DEPTOR: variants seen among roughly 807,000 people sequenced by gnomAD.
DEPTOR encodes the protein DEP domain containing MTOR interacting protein, also known as DEP domain-containing mTOR-interacting protein.
In DEPTOR, 41 loss-of-function variants were observed where a neutral mutation model predicts 41.6. That is an observed-to-expected ratio of 0.98 (90% CI 0.77 to 1.28). The LOEUF is 1.28. Ranked by LOEUF, DEPTOR falls within the 50% of genes most tolerant of loss-of-function variation. The pLI is 0.00. For synonymous variants in DEPTOR, 195 were observed against 192.3 expected, an observed-to-expected ratio of 1.01 and a Z score of -0.12; for missense variants, 514 against 527.9, an observed-to-expected ratio of 0.97 and a Z score of 0.26.
chr8:119,976,132 G>T (rs1306096377), intron 4 of DEPTOR, among the ~76,000 whole-genome samples: 1 of 151,868 alleles, frequency 6.6e-6, no homozygotes, highest in South Asian at 2.1e-4. Flanking sequence ...AAAATGCTGG[G>T]ATTGCAGGCA....
intron 7 of DEPTOR, 116 bp from the exon 8 acceptor site, chr8:120,008,913 G>A (rs947134442): frequency 7.8e-5 from 70 of 893,166 alleles, no homozygotes; most frequent in Non-Finnish European, 1.1e-4. Flanking sequence ...AGAGAGAAAC[G>A]GAGGAAAATA....
chr8:120,022,068 G>A (rs1267908915), intron 8 of DEPTOR, among the ~76,000 whole-genome samples: 24 of 149,310 alleles, frequency 1.6e-4, no homozygotes, highest in African/African-American at 5.7e-4. Flanking sequence ...TGAAGTGGGA[G>A]GATCACTTGG....
chr8:120,040,697 A>C (rs941958487), intron 8 of DEPTOR, among the ~76,000 whole-genome samples: 2 of 152,210 alleles, frequency 1.3e-5, no homozygotes, highest in Non-Finnish European at 2.9e-5. Flanking sequence ...CTAATATGCA[A>C]CTGGACTCCA....
At chr8:120,030,511 T>G (rs941150435) in intron 8 of DEPTOR, among the ~76,000 whole-genome samples, 5 of 129,204 alleles carry the variant, frequency 3.9e-5, no homozygotes, top group South Asian at 3.1e-4. Context: ...TTTTTTTTTT[T>G]TTTTTTTTTT....
intron 1 of DEPTOR, among the ~76,000 whole-genome samples, chr8:119,876,312 C>T (rs149304688): frequency 9.9e-5 from 15 of 152,280 alleles, no homozygotes; most frequent in Admixed American, 9.8e-4. Context: ...TCAAGGAAGA[C>T]TTTAAGCTAG....
chr8:119,965,381 G>T lies in DEPTOR; in HGVS notation c.575G>T (p.Arg192Leu). 5.0e-6 allele frequency: 8 copies of T among 1,613,988 alleles called. No homozygotes were observed. Among genetic ancestry groups the T allele is most frequent in the Non-Finnish European group, 5.9e-6 (7 of 1,179,994 alleles). ...TRKEAEQLCH[R>L]LMEHGIIQHV... ...AAAGAGGCAGAGCAGCTTTGCCACCGGCTTATGGAGCATGGCATCATCCAG... is the reference window on the plus strand; with the variant it reads ...AAAGAGGCAGAGCAGCTTTGCCACCTGCTTATGGAGCATGGCATCATCCAG... Residue 192 changes from arginine (R) to leucine (L), a missense_variant, in exon 4 of 9, where the codon CGG becomes CTG. By Grantham distance (102) the Arg-to-Leu change is moderately radical. Coordinates refer to ENST00000286234, the MANE Select transcript of DEPTOR (RefSeq NM_022783.4).
At chr8:119,999,590 C>CTCCA (rs1472480945) in intron 4 of DEPTOR, among the ~76,000 whole-genome samples, 1 of 152,206 alleles carries the variant, frequency 6.6e-6, no homozygotes, top group African/African-American at 2.4e-5. Context: ...TGCCACTGCA[C>CTCCA]TCCAGCCTGG....
chr8:119,965,809 T>A (rs1828551513), intron 4 of DEPTOR, among the ~76,000 whole-genome samples: 2 of 152,200 alleles, frequency 1.3e-5, no homozygotes, highest in African/African-American at 4.8e-5. Flanking sequence ...GAAGGTTGGT[T>A]GTTAGAGAAT....
At chr8:120,033,049 C>T (rs1178791484) in intron 8 of DEPTOR, among the ~76,000 whole-genome samples, 1 of 146,534 alleles carries the variant, frequency 6.8e-6, no homozygotes, top group African/African-American at 2.5e-5. Context: ...TGGTGAGTAT[C>T]ATACCTAATA....
intron 1 of DEPTOR, among the ~76,000 whole-genome samples, chr8:119,875,471 T>C (rs1827219925): frequency 6.6e-6 from 1 of 152,164 alleles, no homozygotes; most frequent in South Asian, 2.1e-4. Context: ...CAGGAGGGTG[T>C]CTTGCTGAGA....
chr8:119,878,060 A>G (rs1437502201), intron 1 of DEPTOR, among the ~76,000 whole-genome samples: 1 of 152,132 alleles, frequency 6.6e-6, no homozygotes, highest in Non-Finnish European at 1.5e-5. Flanking sequence ...CGTCCCAAGT[A>G]GCTGGGATTA....
At chr8:119,913,441 A>C (rs1409605056) in intron 1 of DEPTOR, among the ~76,000 whole-genome samples, 4 of 152,204 alleles carry the variant, frequency 2.6e-5, no homozygotes, top group African/African-American at 9.7e-5. Context: ...TTGGCTGTAC[A>C]TTGTTGAACT....
At chr8:119,974,921 G>A (rs1049482175) in intron 4 of DEPTOR, among the ~76,000 whole-genome samples, 1 of 152,078 alleles carries the variant, frequency 6.6e-6, no homozygotes, top group African/African-American at 2.4e-5. Context: ...GCAGACTTAG[G>A]TCAACACCTT....
intron 8 of DEPTOR, among the ~76,000 whole-genome samples, chr8:120,012,711 A>G (rs774732412): frequency 2.0e-5 from 3 of 151,940 alleles, no homozygotes; most frequent in Non-Finnish European, 4.4e-5. Context: ...TAATTTTTGT[A>G]TTTTTAGTAG....
chr8:119,994,134 T>C (rs1242216223), intron 4 of DEPTOR, among the ~76,000 whole-genome samples: 2 of 139,410 alleles, frequency 1.4e-5, no homozygotes, highest in Non-Finnish European at 3.1e-5. Flanking sequence ...AAAAACTCCA[T>C]CTCGAAAAAA....
Position 120,002,618 on chromosome 8 carries a change from A to C in DEPTOR, c.791-359A>C, listed in dbSNP as rs200598054. Among the ~76,000 whole-genome samples the C allele has an allele frequency of 2.7e-5, 4 of 150,412 alleles. No homozygotes were observed. In the East Asian group the frequency reaches 7.9e-4, roughly 30 times the overall value. On this transcript the variant is annotated intron_variant, in intron 5 of 8. Transcript: ENST00000286234. ...GTGACAGAGAACAAATCTCTACTAA[A>C]AGTACAAAATTTAGCCGGGCGTGGT... is the stretch of plus-strand genomic sequence containing the variant.
At chr8:119,888,266 C>G (rs1209554732) in intron 1 of DEPTOR, among the ~76,000 whole-genome samples, 2 of 152,160 alleles carry the variant, frequency 1.3e-5, no homozygotes, top group East Asian at 3.8e-4. Context: ...TGATGCCACA[C>G]TCGTAGGTAA....
At chr8:120,038,875 A>G (rs1302545391) in intron 8 of DEPTOR, among the ~76,000 whole-genome samples, 1 of 152,204 alleles carries the variant, frequency 6.6e-6, no homozygotes, top group Non-Finnish European at 1.5e-5. Flanking sequence ...AAATAAAAAT[A>G]ATAGGACCTG....
At chr8:119,963,302 A>C (rs1022117730) in intron 3 of DEPTOR, among the ~76,000 whole-genome samples, 1 of 151,862 alleles carries the variant, frequency 6.6e-6, no homozygotes, top group African/African-American at 2.4e-5. Context: ...AGTGTGATTG[A>C]TGTCCCCCTA....
Sources: gnomAD v4.1 joint callset for allele counts (sites outside exome capture counted in the v4.1 genomes callset) on GRCh38, gnomAD v4.1.1 for gene constraint, MANE v1.5 for transcripts, NCBI Gene and HGNC (gene_info 2026-07-23, HGNC 2026-07-21) for gene names.